EMSY: variants seen among roughly 807,000 people sequenced by gnomAD.
EMSY encodes the protein EMSY transcriptional repressor, BRCA2 interacting, also known as BRCA2-interacting transcriptional repressor EMSY.
EMSY carries 26 observed loss-of-function variants against 134.6 expected under a neutral mutation model. The ratio of observed to expected loss-of-function variants is 0.19; its 90% CI spans 0.14 to 0.27. The LOEUF is 0.27. EMSY is among the 10% of genes least tolerant of loss of function. The pLI, the probability that EMSY is intolerant of heterozygous loss-of-function variation, is 1.00. For missense variants in EMSY, 1,305 were observed against 1,611.4 expected (o/e 0.81, Z 3.26); for synonymous variants, 579 against 577.8 (o/e 1.00, Z -0.03).
At chr11:76,466,477 T>C (rs577446129) in intron 7 of EMSY, among the ~76,000 whole-genome samples, 1 of 152,170 alleles carries the variant, frequency 6.6e-6, no homozygotes, top group South Asian at 2.1e-4. Context: ...TTATGTGCCT[T>C]TTCCCTTTTA....
At chr11:76,488,349 G>A (rs1264238090) in intron 8 of EMSY, among the ~76,000 whole-genome samples, 1 of 152,034 alleles carries the variant, frequency 6.6e-6, no homozygotes, top group Non-Finnish European at 1.5e-5. Context: ...ACCTGTAATC[G>A]TAGCTACTCG....
intron 11 of EMSY, among the ~76,000 whole-genome samples, chr11:76,519,614 A>G (rs1173416499): frequency 6.6e-6 from 1 of 152,156 alleles, no homozygotes; most frequent in Non-Finnish European, 1.5e-5. Context: ...TCATTCGTTC[A>G]TTCTTTGAGC....
intron 2 of EMSY, among the ~76,000 whole-genome samples, chr11:76,449,074 T>C (rs186760412): frequency 6.6e-6 from 1 of 152,256 alleles, no homozygotes; most frequent in African/African-American, 2.4e-5. Flanking sequence ...ATGGACCAAA[T>C]TGAGGGCTTT....
At chr11:76,511,785 C>T (rs1950286720) in intron 9 of EMSY, among the ~76,000 whole-genome samples, 1 of 152,044 alleles carries the variant, frequency 6.6e-6, no homozygotes, top group African/African-American at 2.4e-5. Context: ...AACCTCAGTG[C>T]TTAAGATTTA....
intron 12 of EMSY, among the ~76,000 whole-genome samples, chr11:76,525,778 T>A (rs529116555): frequency 7.9e-5 from 12 of 152,254 alleles, no homozygotes; most frequent in Non-Finnish European, 2.9e-5. Flanking sequence ...GAGTTTTCCC[T>A]TCCTTTTTTT....
intron 9 of EMSY, among the ~76,000 whole-genome samples, chr11:76,498,782 TGTAAA>T (rs1348832003): frequency 6.6e-6 from 1 of 152,214 alleles, no homozygotes; most frequent in Non-Finnish European, 1.5e-5. Context: ...TCTATTGCCT[TGTAAA>T]GTATACTTTA....
At chr11:76,531,065 C>A (rs1590990676) in intron 14 of EMSY, among the ~76,000 whole-genome samples, 2 of 152,092 alleles carry the variant, frequency 1.3e-5, no homozygotes, top group East Asian at 1.9e-4. Flanking sequence ...CTCTGCCCCC[C>A]TTCTGCTGTG....
At chr11:76,544,534 C>T (rs1951569383) in exon 19 of EMSY, 7 of 1,614,116 alleles carry the variant, frequency 4.3e-6, no homozygotes, top group Non-Finnish European at 5.1e-6. Context: ...CGCAAATGCC[C>T]CAGCTTTCCA....
intron 18 of EMSY, 76 bp from the exon 20 acceptor site, chr11:76,544,181 CTT>C: frequency 7.2e-7 from 1 of 1,396,540 alleles, no homozygotes; most frequent in Non-Finnish European, 9.7e-7. Context: ...TCTCGTAAGT[CTT>C]TTTCAGTTAA....
chr11:76,522,608 G>C (rs555704345), intron 11 of EMSY, among the ~76,000 whole-genome samples: 1 of 151,998 alleles, frequency 6.6e-6, no homozygotes, highest in Non-Finnish European at 1.5e-5. Flanking sequence ...TGATCTGCCT[G>C]CGTCAGCCTC....
At chr11:76,511,312 T>C (rs1041818723) in intron 9 of EMSY, among the ~76,000 whole-genome samples, 2 of 152,248 alleles carry the variant, frequency 1.3e-5, no homozygotes, top group African/African-American at 4.8e-5. Context: ...TTTAAACTTA[T>C]TTGCATATAA....
chr11:76,457,594 G>T (rs185375204), intron 4 of EMSY, among the ~76,000 whole-genome samples: 137 of 152,208 alleles, frequency 9.0e-4, no homozygotes, highest in African/African-American at 3.1e-3. Flanking sequence ...TAACAGGAAG[G>T]ATAATAACAA....
At chr11:76,518,172 T>C (rs1007118649) in intron 11 of EMSY, among the ~76,000 whole-genome samples, 3 of 149,058 alleles carry the variant, frequency 2.0e-5, no homozygotes, top group African/African-American at 4.9e-5. Flanking sequence ...ACTTTCTTTT[T>C]TTTTTTTTTT....
At chr11:76,529,663 GA>G in intron 14 of EMSY, among the ~76,000 whole-genome samples, 1 of 152,284 alleles carries the variant, frequency 6.6e-6, no homozygotes, top group Middle Eastern at 3.4e-3. Context: ...ACATGCCAGT[GA>G]GGAGAGGATA....
At chr11:76,477,099 A>G (rs1350962367) in intron 8 of EMSY, among the ~76,000 whole-genome samples, 1 of 151,984 alleles carries the variant, frequency 6.6e-6, no homozygotes, top group East Asian at 1.9e-4. Context: ...GTATTGTATA[A>G]TACATAATAG....
At position 76,526,713 on chromosome 11, in the gene EMSY, G is replaced by T. The variant is rs915092930; in HGVS notation, c.1995+78G>T. On this transcript the variant is annotated intron_variant, in intron 13 of 20. Coordinates refer to ENST00000334736, the Ensembl canonical transcript of EMSY. The stretch of plus-strand genomic sequence containing the variant: ...TATAATTCCCGGGTAGAAATTTGAA[G>T]GAAAAGATCAGCAATCTTTAAGAAA... 24 of 1,332,192 alleles carry T rather than the reference G, an allele frequency of 1.8e-5. No individual in the cohort carries two copies. The African/African-American group carries it at 2.5e-4, about 14-fold the overall frequency. 82.5% of individuals were successfully genotyped at this position (1,332,192 alleles called of 1,614,324 possible).
intron 6 of EMSY, chr11:76,460,458 G>C: frequency 6.2e-6 from 1 of 160,688 alleles, no homozygotes; most frequent in Non-Finnish European, 1.4e-5. Context: ...TATTTTCTTA[G>C]ATTATTTTAT....
intron 12 of EMSY, among the ~76,000 whole-genome samples, chr11:76,524,978 C>G (rs1950793686): frequency 6.6e-6 from 1 of 152,234 alleles, no homozygotes; most frequent in African/African-American, 2.4e-5. Flanking sequence ...GATCTTGCCA[C>G]TGTACTCCAG....
At chr11:76,535,789 C>T (rs1951201012) in intron 14 of EMSY, 106 bp from the exon 16 acceptor site, 2 of 911,408 alleles carry the variant, frequency 2.2e-6, no homozygotes, top group East Asian at 3.1e-5. Flanking sequence ...ATGAAGTTTA[C>T]AATAAATAGA....
Sources: gnomAD v4.1 joint callset for allele counts (sites outside exome capture counted in the v4.1 genomes callset) on GRCh38, gnomAD v4.1.1 for gene constraint, MANE v1.5 for transcripts, NCBI Gene and HGNC (gene_info 2026-07-23, HGNC 2026-07-21) for gene names.